WDFY3: variants seen among roughly 807,000 people sequenced by gnomAD.
WDFY3 encodes WD repeat and FYVE domain-containing protein 3.
A neutral mutation model predicts 409.6 loss-of-function variants in WDFY3; 66 were observed. That is an observed-to-expected ratio of 0.16 (90% confidence interval 0.13 to 0.20). WDFY3 has a LOEUF of 0.20. WDFY3 is among the 10% of genes least tolerant of loss of function. The pLI, the probability that WDFY3 is intolerant of heterozygous loss-of-function variation, is 1.00. For synonymous variants in WDFY3, 1,521 were observed against 1,537.1 expected (o/e 0.99, Z 0.25); for missense variants, 3,031 against 4,298.1 (o/e 0.71, Z 8.24).
At chr4:84,876,136 T>G (rs745784558) in intron 3 of WDFY3, among the ~76,000 whole-genome samples, 30 of 152,236 alleles carry the variant, frequency 2.0e-4, no homozygotes, top group Admixed American at 8.5e-4. Flanking sequence ...AGCATCACCA[T>G]GAACACGTGA....
chr4:84,724,513 C>T lies in WDFY3; in HGVS notation c.7354G>A (p.Val2452Ile). 6.2e-7 allele frequency: 1 copy of T among 1,614,166 alleles called. No homozygotes were observed. Among genetic ancestry groups the T allele is most frequent in the Non-Finnish European group, 8.5e-7 (1 of 1,180,014 alleles). ...GAACTCTCCACAATGGCGTCTTGGACAATGGCGGGATTGCCAGAGGCCAGT... is the reference window on the plus strand; with the variant it reads ...GAACTCTCCACAATGGCGTCTTGGATAATGGCGGGATTGCCAGAGGCCAGT... ...MRLASGNPAI[V>I]QDAIVESSEG... Residue 2452 changes from valine to isoleucine, a missense_variant, in exon 46 of 68, where the codon GTC (valine) becomes ATC (isoleucine). By Grantham distance (29) the Val-to-Ile change is conservative. Transcript: ENST00000295888.
intron 3 of WDFY3, among the ~76,000 whole-genome samples, chr4:84,871,277 T>C (rs978369789): frequency 5.9e-5 from 9 of 151,988 alleles, no homozygotes; most frequent in African/African-American, 2.2e-4. Context: ...GGAACAAGGA[T>C]AAAAATTATA....
intron 62 of WDFY3, among the ~76,000 whole-genome samples, chr4:84,684,864 T>C (rs541714925): frequency 6.6e-6 from 1 of 152,202 alleles, no homozygotes; most frequent in Admixed American, 6.5e-5. Flanking sequence ...CCCACTATAG[T>C]TAAAGAAAGG....
At chr4:84,774,237 G>A (rs1352173699) in intron 29 of WDFY3, among the ~76,000 whole-genome samples, 1 of 152,056 alleles carries the variant, frequency 6.6e-6, no homozygotes. Context: ...TGTTTTTCTT[G>A]TTTTCCTTCT....
At chr4:84,805,855 C>T (rs1333093910) in intron 15 of WDFY3, among the ~76,000 whole-genome samples, 2 of 152,170 alleles carry the variant, frequency 1.3e-5, no homozygotes, top group Non-Finnish European at 1.5e-5. Context: ...TCTTCTAACT[C>T]TGATTGAACA....
chr4:84,691,841 T>C, intron 59 of WDFY3, 56 bp from the exon 60 acceptor site: 1 of 1,477,602 alleles, frequency 6.8e-7, no homozygotes, highest in East Asian at 2.3e-5. Flanking sequence ...AATGTCATTA[T>C]CTCATAGAGC....
chr4:84,913,306 C>G (rs1338031216), intron 2 of WDFY3, among the ~76,000 whole-genome samples: 1 of 152,094 alleles, frequency 6.6e-6, no homozygotes, highest in African/African-American at 2.4e-5. Flanking sequence ...ATCATTGTTA[C>G]AGAAGAAGCC....
intron 1 of WDFY3, among the ~76,000 whole-genome samples, chr4:84,961,430 A>G (rs1435854152): frequency 1.3e-5 from 2 of 152,058 alleles, no homozygotes; most frequent in African/African-American, 4.8e-5. Flanking sequence ...CTTTATGATA[A>G]ATTTTTTAAT....
Position 84,695,950 on chromosome 4 carries a change from C to A in WDFY3, c.8901+20G>T, listed in dbSNP as rs746723240. ...AAAATGAAACAGAGTACATCAATGA[C>A]AAGAAAAAAACATCCATACCTGTTT... On this transcript the variant is annotated intron_variant, in intron 58 of 67. Transcript: ENST00000295888. 12 of 1,606,546 alleles carry A rather than the reference C, an allele frequency of 7.5e-6. No homozygotes were observed. In the African/African-American group the frequency reaches 1.5e-4, roughly 20 times the overall value.
intron 51 of WDFY3, among the ~76,000 whole-genome samples, chr4:84,712,189 T>C (rs941460459): frequency 4.6e-5 from 7 of 151,618 alleles, no homozygotes; most frequent in African/African-American, 1.5e-4. Context: ...ACAGGCATGG[T>C]AGCACATGCT....
intron 17 of WDFY3, among the ~76,000 whole-genome samples, chr4:84,800,535 TA>T (rs778910254): frequency 2.6e-5 from 4 of 152,214 alleles, no homozygotes; most frequent in Non-Finnish European, 5.9e-5. Flanking sequence ...CTGATACATG[TA>T]ACAACTTGTG....
chr4:84,775,070 C>G lies in WDFY3; in HGVS notation c.4587G>C (p.Glu1529Asp), dbSNP rs1470717434. The G allele has an allele frequency of 6.2e-7, 1 of 1,613,586 alleles. No homozygotes were observed. Among genetic ancestry groups the G allele is most frequent in the African/African-American group, 1.3e-5 (1 of 74,994 alleles). Residue 1529 changes from glutamate to aspartate, a missense_variant, in exon 28 of 68, where the codon GAG becomes GAC. Glu to Asp is a conservative substitution (Grantham distance 45). Transcript: ENST00000295888. The part of the protein sequence containing the change: ...LFEHFIELLT[E>D]SSEASKNAKL... ...ACGTGGGTATTAATTAATACCTGGA[C>G]TCTGTGAGCAGTTCAATAAAGTGTT...
intron 3 of WDFY3, among the ~76,000 whole-genome samples, chr4:84,880,672 TAC>T (rs1259663195): frequency 4.6e-4 from 34 of 74,634 alleles, no homozygotes; most frequent in African/African-American, 1.5e-3. Flanking sequence ...AAGGGAACCA[TAC>T]ATATATATAT....
chr4:84,947,723 A>C (rs894377784), intron 1 of WDFY3, among the ~76,000 whole-genome samples: 14 of 148,822 alleles, frequency 9.4e-5, no homozygotes, highest in Non-Finnish European at 1.8e-4. Flanking sequence ...AAAAAAAAAA[A>C]AAAAAAACAT....
At chr4:84,909,279 T>C (rs537465449) in intron 2 of WDFY3, among the ~76,000 whole-genome samples, 3 of 152,150 alleles carry the variant, frequency 2.0e-5, no homozygotes, top group Non-Finnish European at 4.4e-5. Context: ...GTTAAAATTA[T>C]GCTTTCTTGA....
chr4:84,692,240 T>C (rs933715549), intron 59 of WDFY3, among the ~76,000 whole-genome samples: 1 of 152,208 alleles, frequency 6.6e-6, no homozygotes, highest in Admixed American at 6.5e-5. Flanking sequence ...CTGATGACCA[T>C]ATTACTACTC....
At chr4:84,946,935 T>C (rs1772920625) in intron 1 of WDFY3, among the ~76,000 whole-genome samples, 3 of 151,712 alleles carry the variant, frequency 2.0e-5, no homozygotes, top group African/African-American at 4.8e-5. Flanking sequence ...GCCTCCCTAG[T>C]AGCTAGGACT....
Position 84,794,626 on chromosome 4 carries a change from C to T in WDFY3, c.3380G>A (p.Arg1127His), listed in dbSNP as rs78715516. 134 of 1,613,748 alleles carry T rather than the reference C, an allele frequency of 8.3e-5. No individual in the cohort carries two copies. The East Asian group carries it at 2.5e-3, about 31-fold the overall frequency. Residue 1127 changes from arginine (R) to histidine (H), a missense_variant, in exon 21 of 68, where the codon CGC becomes CAC. Arg to His is a conservative substitution (Grantham distance 29). Coordinates refer to ENST00000295888, the MANE Select transcript of WDFY3 (RefSeq NM_014991.6). ...NHPVRLLTVV[R>H]RANSSEQHYV... ...ATGTTGCTCAGAAGAATTTGCTCGG[C>T]GCACAACAGTAAGAAGTCTGACAGG...
intron 24 of WDFY3, 142 bp downstream of exon 24, chr4:84,785,837 A>C (rs1038507713): frequency 1.9e-6 from 2 of 1,028,388 alleles, no homozygotes; most frequent in African/African-American, 3.4e-5. Context: ...CTACATTTGA[A>C]GTCAAATTAA....
Sources: allele counts gnomAD v4.1 joint callset (sites outside exome capture counted in the v4.1 genomes callset), GRCh38; gene constraint gnomAD v4.1.1; transcripts MANE v1.5; gene names NCBI Gene and HGNC (gene_info 2026-07-23, HGNC 2026-07-21).